Variants in PODXL observed in about 807,000 individuals in gnomAD.
The protein encoded by PODXL is podocalyxin.
Under a neutral mutation model 48.9 loss-of-function variants are expected in PODXL, and 20 were observed. The ratio of observed to expected loss-of-function variants is 0.41; its 90% CI spans 0.29 to 0.59. The LOEUF (loss-of-function observed/expected upper bound fraction) is 0.59, where lower values mean the gene tolerates loss of function less well. PODXL is among the 20% of genes least tolerant of loss of function. The pLI, the probability that PODXL is intolerant of heterozygous loss-of-function variation, is 0.31. For missense variants in PODXL, 606 were observed against 675.1 expected, an observed-to-expected ratio of 0.90 and a Z score of 1.13; for synonymous variants, 295 against 287.4, an observed-to-expected ratio of 1.03 and a Z score of -0.27.
At position 131,509,602 on chromosome 7, in the gene PODXL, G is replaced by T; in HGVS notation, c.803-17C>A. ...CCGATGACGCTGTCATTGGGAAAAC[G>T]AGGGTAATGAGAAAAGATGAGTGCA... On this transcript the variant is annotated splice_polypyrimidine_tract_variant and intron_variant, in intron 3 of 8. Coordinates refer to ENST00000378555, the MANE Select transcript of PODXL (RefSeq NM_001018111.3). The T allele has an allele frequency of 6.7e-7, 1 of 1,492,766 alleles. No individual in the cohort carries two copies. The highest frequency in any genetic ancestry group is 2.3e-5 in the East Asian group (1 of 43,784). 92.5% of individuals were successfully genotyped at this position (1,492,766 alleles called of 1,614,324 possible).
intron 1 of PODXL, among the ~76,000 whole-genome samples, chr7:131,518,502 A>G (rs1189999687): frequency 6.6e-6 from 1 of 152,042 alleles, no homozygotes; most frequent in Admixed American, 6.5e-5. Context: ...TTTATTGGGG[A>G]TGAGAGTGTT....
At chr7:131,554,006 G>A (rs1798706701) in intron 1 of PODXL, among the ~76,000 whole-genome samples, 1 of 152,204 alleles carries the variant, frequency 6.6e-6, no homozygotes, top group African/African-American at 2.4e-5. Context: ...TGGAAGGTAA[G>A]CTGGGGGAGA....
chr7:131,546,759 T>G (rs1426667639), intron 1 of PODXL, among the ~76,000 whole-genome samples: 3 of 150,386 alleles, frequency 2.0e-5, no homozygotes, highest in Admixed American at 2.0e-4. Context: ...AAAAGTCTGT[T>G]TTGACTCAAA....
At chr7:131,505,472 C>T (rs1797782452) in intron 8 of PODXL, among the ~76,000 whole-genome samples, 1 of 152,034 alleles carries the variant, frequency 6.6e-6, no homozygotes, top group African/African-American at 2.4e-5. Context: ...CATGGCGAAA[C>T]CCCATCTCTA....
chr7:131,521,865 G>A (rs1798097566), intron 1 of PODXL, among the ~76,000 whole-genome samples: 2 of 152,176 alleles, frequency 1.3e-5, no homozygotes, highest in Admixed American at 1.3e-4. Flanking sequence ...ATTCCCACAG[G>A]GCAGGAAAGA....
intron 1 of PODXL, among the ~76,000 whole-genome samples, chr7:131,519,900 T>G (rs965157509): frequency 6.6e-6 from 1 of 152,046 alleles, no homozygotes; most frequent in Non-Finnish European, 1.5e-5. Flanking sequence ...AATTTTTGTA[T>G]TTTTTGTAGA....
chr7:131,529,091 ATG>A (rs34924487), intron 1 of PODXL, among the ~76,000 whole-genome samples: 80,005 of 151,664 alleles, frequency 0.53, 24,998 homozygotes, highest in Admixed American at 0.69. Context: ...AGATGAGAAA[ATG>A]TTGAGAAACA....
At chr7:131,531,008 A>G in intron 1 of PODXL, among the ~76,000 whole-genome samples, 1 of 152,062 alleles carries the variant, frequency 6.6e-6, no homozygotes, top group East Asian at 1.9e-4. Context: ...CAGTGAGCCA[A>G]GATCGCACCA....
chr7:131,537,143 A>G (rs542245209), intron 1 of PODXL, among the ~76,000 whole-genome samples: 7 of 151,782 alleles, frequency 4.6e-5, no homozygotes, highest in African/African-American at 9.7e-5. Flanking sequence ...GTATGCGTAA[A>G]TTAGTTAACT....
Position 131,509,562 on chromosome 7 carries a change from T to A in PODXL, c.826A>T (p.Thr276Ser), listed in dbSNP as rs546035243. The change falls in exon 4 of 9, where the codon ACT becomes TCT. Residue 276 changes from threonine (T) to serine (S), a missense_variant. Coordinates refer to ENST00000378555, the MANE Select transcript of PODXL (RefSeq NM_001018111.3). The stretch of plus-strand genomic sequence containing the variant: ...GGCATCTGACTGGAGGTCTGTTGAG[T>A]TCTTTGCGAGATAACCGATGACGCT... ...ITASSVISQRTQQTSSQMPAS... is the reference protein window; with the variant it reads ...ITASSVISQRSQQTSSQMPAS... 2 of 1,564,580 alleles carry A rather than the reference T, an allele frequency of 1.3e-6. No homozygotes were observed. Among genetic ancestry groups the A allele is most frequent in the South Asian group, 1.2e-5 (1 of 85,052 alleles).
At chr7:131,540,074 G>A (rs1034801892) in intron 1 of PODXL, among the ~76,000 whole-genome samples, 4 of 152,104 alleles carry the variant, frequency 2.6e-5, no homozygotes, top group African/African-American at 7.2e-5. Context: ...ACAGGGTCTT[G>A]CTCTGTCACC....
chr7:131,539,668 A>T (rs1166047934), intron 1 of PODXL, among the ~76,000 whole-genome samples: 2 of 152,244 alleles, frequency 1.3e-5, no homozygotes, highest in East Asian at 3.9e-4. Flanking sequence ...CCAAATCTAC[A>T]GTATCCTTAC....
At position 131,503,131 on chromosome 7, in the gene PODXL, C is replaced by T. The variant is rs2116770244; in HGVS notation, c.*1180G>A. The T allele has an allele frequency of 6.5e-6, 1 of 152,828 alleles. No homozygotes were observed. Among genetic ancestry groups the T allele is most frequent in the South Asian group, 2.1e-4 (1 of 4,826 alleles). The allele number at this position is 152,828 out of a possible 1,614,324, so 9.5% of individuals were successfully genotyped here. On this transcript the variant is annotated 3_prime_UTR_variant, in exon 9 of 9. Transcript: ENST00000378555. ...AGTGGAGGGCTGGGTTAGAAAACAA[C>T]TATAACAAAACTCTCAGCAACTTGA...
At chr7:131,540,441 GGA>G (rs1798455845) in intron 1 of PODXL, among the ~76,000 whole-genome samples, 1 of 151,876 alleles carries the variant, frequency 6.6e-6, no homozygotes, top group African/African-American at 2.4e-5. Flanking sequence ...ACTGTCTCGG[GGA>G]TGAGTGTTCT....
At chr7:131,523,242 C>T (rs569101483) in intron 1 of PODXL, among the ~76,000 whole-genome samples, 1 of 152,260 alleles carries the variant, frequency 6.6e-6, no homozygotes, top group East Asian at 1.9e-4. Context: ...TAGTATCTCA[C>T]TGTGGTTTTA....
chr7:131,538,318 G>A (rs1798417699), intron 1 of PODXL, among the ~76,000 whole-genome samples: 1 of 152,186 alleles, frequency 6.6e-6, no homozygotes, highest in Non-Finnish European at 1.5e-5. Flanking sequence ...AGTGGCAGGG[G>A]CAGAAGTGCT....
intron 1 of PODXL, among the ~76,000 whole-genome samples, chr7:131,527,863 C>A (rs1798212223): frequency 6.6e-6 from 1 of 151,168 alleles, no homozygotes; most frequent in African/African-American, 2.4e-5. Context: ...CAACTCAGCA[C>A]CAGTAGAGGA....
At chr7:131,553,206 A>G (rs550746780) in intron 1 of PODXL, among the ~76,000 whole-genome samples, 18 of 152,092 alleles carry the variant, frequency 1.2e-4, no homozygotes, top group Non-Finnish European at 2.5e-4. Context: ...ACACACTACA[A>G]TTCATAGAGC....
chr7:131,531,491 G>C (rs1798279789), intron 1 of PODXL, among the ~76,000 whole-genome samples: 1 of 152,084 alleles, frequency 6.6e-6, no homozygotes, highest in Non-Finnish European at 1.5e-5. Context: ...GGTGAACCTT[G>C]GCCCATCTCT....
Sources: gnomAD v4.1 joint callset for allele counts (sites outside exome capture counted in the v4.1 genomes callset) on GRCh38, gnomAD v4.1.1 for gene constraint, MANE v1.5 for transcripts, NCBI Gene and HGNC (gene_info 2026-07-23, HGNC 2026-07-21) for gene names.